The following SPMIP2 variants were observed in gnomAD, a reference collection of about 807,000 sequenced individuals.
SPMIP2 encodes sperm microtubule inner protein 2, also known as protein SPMIP2.
the SPMIP2 span, among the ~76,000 whole-genome samples, chr4:158,922,411 G>A: frequency 6.6e-6 from 1 of 152,160 alleles, no homozygotes; most frequent in African/African-American, 2.4e-5. Flanking sequence ...GCTGCACCTA[G>A]TGGCTCTGAG....
At chr4:158,914,844 T>G in the SPMIP2 span, among the ~76,000 whole-genome samples, 3 of 152,314 alleles carry the variant, frequency 2.0e-5, no homozygotes, top group Middle Eastern at 3.4e-3. Flanking sequence ...TGAGTGGAGT[T>G]ACAGATTTAC....
At chr4:158,964,157 C>A in the SPMIP2 span, among the ~76,000 whole-genome samples, 45,628 of 100,264 alleles carry the variant, frequency 0.46, 9,009 homozygotes, top group East Asian at 0.6. Flanking sequence ...TATCTCAAAA[C>A]AAAACAAAAC....
the SPMIP2 span, among the ~76,000 whole-genome samples, chr4:159,070,341 G>T: frequency 6.6e-6 from 1 of 152,134 alleles, no homozygotes; most frequent in South Asian, 2.1e-4. Flanking sequence ...TGATTCAAGG[G>T]TAATATATAC....
At chr4:159,060,794 T>C in the SPMIP2 span, among the ~76,000 whole-genome samples, 2 of 152,120 alleles carry the variant, frequency 1.3e-5, no homozygotes, top group Non-Finnish European at 2.9e-5. Context: ...ATTAAGTATA[T>C]ATAGCATAGG....
the SPMIP2 span, among the ~76,000 whole-genome samples, chr4:159,065,456 A>G: frequency 3.7e-4 from 56 of 151,924 alleles, no homozygotes; most frequent in Non-Finnish European, 6.5e-4. Flanking sequence ...GTTGGCTCAC[A>G]CCTGTAATCC....
chr4:158,980,054 T>TG, the SPMIP2 span, among the ~76,000 whole-genome samples: 4 of 152,030 alleles, frequency 2.6e-5, no homozygotes, highest in African/African-American at 9.7e-5. Flanking sequence ...CTTGAGTAGG[T>TG]GGTTTTCCCC....
At chr4:158,993,029 T>G in the SPMIP2 span, among the ~76,000 whole-genome samples, 1 of 152,106 alleles carries the variant, frequency 6.6e-6, no homozygotes, top group Admixed American at 6.6e-5. Context: ...TATGTGTGTT[T>G]CTGTGTGTGT....
At chr4:158,970,619 G>T in the SPMIP2 span, among the ~76,000 whole-genome samples, 1 of 152,054 alleles carries the variant, frequency 6.6e-6, no homozygotes, top group Non-Finnish European at 1.5e-5. Flanking sequence ...TGTAGAGGGA[G>T]AGATGAGTAG....
the SPMIP2 span, chr4:158,915,187 G>T: frequency 6.2e-7 from 1 of 1,607,330 alleles, no homozygotes; most frequent in East Asian, 2.2e-5. Flanking sequence ...TTTTTTGGTA[G>T]CTTCGGCAGC....
chr4:159,080,421 T>C, the SPMIP2 span, among the ~76,000 whole-genome samples: 2 of 152,064 alleles, frequency 1.3e-5, no homozygotes, highest in Non-Finnish European at 2.9e-5. Flanking sequence ...GGTCTCCCTA[T>C]GCTGCCCAGG....
chr4:158,908,133 C>CTGAT, the SPMIP2 span: 3 of 152,212 alleles, frequency 2.0e-5, 1 homozygote, highest in East Asian at 5.8e-4. Context: ...TGAAAACAAG[C>CTGAT]TGATTATTTA....
the SPMIP2 span, among the ~76,000 whole-genome samples, chr4:158,908,618 A>G: frequency 6.6e-6 from 1 of 152,180 alleles, no homozygotes; most frequent in Non-Finnish European, 1.5e-5. Context: ...TGAGTCACCA[A>G]TACAGGACAT....
At chr4:159,019,934 C>T in the SPMIP2 span, among the ~76,000 whole-genome samples, 2 of 151,936 alleles carry the variant, frequency 1.3e-5, no homozygotes, top group South Asian at 2.1e-4. Context: ...CTAAATGGGC[C>T]GGGCACGGTG....
chr4:158,961,895 T>G, the SPMIP2 span, among the ~76,000 whole-genome samples: 1 of 152,110 alleles, frequency 6.6e-6, no homozygotes. Flanking sequence ...AATTATTTTT[T>G]TTTTACTGGC....
the SPMIP2 span, among the ~76,000 whole-genome samples, chr4:158,938,912 T>G: frequency 3.3e-5 from 5 of 152,320 alleles, no homozygotes; most frequent in South Asian, 1.0e-3. Context: ...TATTAGATCA[T>G]CTAGGGTCAT....
the SPMIP2 span, among the ~76,000 whole-genome samples, chr4:158,919,549 T>C: frequency 6.6e-6 from 1 of 152,232 alleles, no homozygotes; most frequent in African/African-American, 2.4e-5. Context: ...TTACTGATGA[T>C]GTTCACTTAG....
At chr4:158,997,416 G>C in the SPMIP2 span, among the ~76,000 whole-genome samples, 1 of 152,018 alleles carries the variant, frequency 6.6e-6, no homozygotes, top group Non-Finnish European at 1.5e-5. Flanking sequence ...TTTTAATAGA[G>C]ACAGGGTTTC....
the SPMIP2 span, among the ~76,000 whole-genome samples, chr4:159,080,585 C>G: frequency 1.3e-5 from 2 of 152,132 alleles, no homozygotes; most frequent in Non-Finnish European, 2.9e-5. Flanking sequence ...ATTAAAGCAG[C>G]GATTCCCCAT....
the SPMIP2 span, among the ~76,000 whole-genome samples, chr4:158,917,363 G>A: frequency 3.0e-4 from 45 of 152,154 alleles, no homozygotes; most frequent in African/African-American, 1.0e-3. Context: ...GGAGGCGGAG[G>A]TTGCAGTGAG....
Sources: gnomAD v4.1 joint callset for allele counts (sites outside exome capture counted in the v4.1 genomes callset) on GRCh38, gnomAD v4.1.1 for gene constraint, MANE v1.5 for transcripts, NCBI Gene and HGNC (gene_info 2026-07-23, HGNC 2026-07-21) for gene names.